PRKD3: variants seen among roughly 807,000 people sequenced by gnomAD.
PRKD3 encodes the protein protein kinase D3.
Under a neutral mutation model 99.2 loss-of-function variants are expected in PRKD3, and 47 were observed. That is an observed-to-expected ratio of 0.47 (90% CI 0.38 to 0.60). The LOEUF is 0.60. Among genes scored for constraint, PRKD3 ranks in the 20% least tolerant of loss-of-function variants. The pLI is 0.00. For missense variants in PRKD3, 1,019 were observed against 1,088.4 expected, an observed-to-expected ratio of 0.94 and a Z score of 0.90; for synonymous variants, 392 against 355.4, an observed-to-expected ratio of 1.10 and a Z score of -1.16.
At chr2:37,319,509 T>A (rs1417641016) in intron 1 of PRKD3, among the ~76,000 whole-genome samples, 1 of 152,200 alleles carries the variant, frequency 6.6e-6, no homozygotes, top group Non-Finnish European at 1.5e-5. Flanking sequence ...TGCATTTAGT[T>A]TCCCCAAAAT....
At chr2:37,260,177 A>AG in intron 15 of PRKD3, 46 bp downstream of exon 15, 2 of 1,515,000 alleles carry the variant, frequency 1.3e-6, no homozygotes, top group Non-Finnish European at 1.8e-6. Flanking sequence ...AAAAAAAAAA[A>AG]TTAGTTTTTA....
At chr2:37,310,355 T>C (rs918225883) in intron 2 of PRKD3, among the ~76,000 whole-genome samples, 25 of 152,212 alleles carry the variant, frequency 1.6e-4, no homozygotes, top group African/African-American at 6.0e-4. Flanking sequence ...CTAAGCATTT[T>C]AGAAACATAT....
In PRKD3 at chr2:37,323,168, A is replaced by G. The variant is rs193196135; in HGVS notation, c.-656+1513T>C. On this transcript the variant is annotated intron_variant, in intron 1 of 18. Coordinates refer to ENST00000234179, the MANE Select transcript of PRKD3 (RefSeq NM_005813.6). ...AAGAAATTTCTATTTTAAAGTGGCT[A>G]TCTGATGAAACTGAAAGCTTAAAAT... is the stretch of plus-strand genomic sequence containing the variant. Among the ~76,000 whole-genome samples the G allele has an allele frequency of 5.0e-3, 749 of 151,304 alleles. 7 individuals carry two copies. Among genetic ancestry groups the G allele is most frequent in the African/African-American group, 0.017 (707 of 41,142 alleles).
At chr2:37,292,014 C>G (rs72863171) in intron 3 of PRKD3, among the ~76,000 whole-genome samples, 3,144 of 152,046 alleles carry the variant, frequency 0.021, 75 homozygotes, top group African/African-American at 0.057. Flanking sequence ...GGCAAGAATG[C>G]GTGAGGTGGA....
At chr2:37,309,185 A>G (rs1671305728) in intron 2 of PRKD3, among the ~76,000 whole-genome samples, 1 of 152,138 alleles carries the variant, frequency 6.6e-6, no homozygotes, top group Admixed American at 6.6e-5. Flanking sequence ...TTTTATTTAT[A>G]TTTGGACTTA....
At chr2:37,269,185 C>T (rs926795298) in intron 13 of PRKD3, 10 of 192,928 alleles carry the variant, frequency 5.2e-5, no homozygotes, top group East Asian at 2.4e-4. Flanking sequence ...TATCCTAAAT[C>T]GCAAAGTTGG....
At chr2:37,266,452 A>G (rs1212129482) in intron 14 of PRKD3, among the ~76,000 whole-genome samples, 2 of 149,280 alleles carry the variant, frequency 1.3e-5, no homozygotes, top group Non-Finnish European at 1.5e-5. Flanking sequence ...CAGCCTCCCA[A>G]GTAGCTTAGA....
chr2:37,277,852 A>G lies in PRKD3; in HGVS notation c.1296+14T>C. 1 of 1,608,912 alleles carries G rather than the reference A, an allele frequency of 6.2e-7. No individual in the cohort carries two copies. Among genetic ancestry groups the G allele is most frequent in the Non-Finnish European group, 8.5e-7 (1 of 1,178,164 alleles). On this transcript the variant is annotated intron_variant, in intron 9 of 18. Coordinates refer to ENST00000234179, the MANE Select transcript of PRKD3 (RefSeq NM_005813.6). The stretch of plus-strand genomic sequence containing the variant: ...AAGTCTTACTAGCATATTCAAATGT[A>G]TTTGATTACTGACCAGGTTATCCCT...
At position 37,274,616 on chromosome 2, in the gene PRKD3, A is replaced by G. The variant is rs148874137; in HGVS notation, c.1456T>C (p.Phe486Leu). 9.1e-5 allele frequency: 147 copies of G among 1,613,940 alleles called. No homozygotes were observed. The highest frequency in any genetic ancestry group is 1.2e-4 in the Non-Finnish European group (143 of 1,179,914). The change falls in exon 11 of 19, where the codon TTT becomes CTT. Residue 486 changes from phenylalanine to leucine, a missense_variant. By Grantham distance (22) the Phe-to-Leu change is conservative (BLOSUM62 0). Around this residue, in one of 3 missense-constraint regions of PRKD3, gnomAD observed 710 missense variants for 692.7 expected, o/e 1.02. Transcript: ENST00000234179. ...NISQGSNPHC[F>L]EIITDTMVYF... ...ACCATAGTATCAGTAATGATTTCAAAACAGTGTGGATTGCTGCCTTGTGAA... is the reference window on the plus strand; with the variant it reads ...ACCATAGTATCAGTAATGATTTCAAGACAGTGTGGATTGCTGCCTTGTGAA...
chr2:37,284,916 A>G (rs1186395110), intron 6 of PRKD3, among the ~76,000 whole-genome samples: 1 of 152,106 alleles, frequency 6.6e-6, no homozygotes, highest in South Asian at 2.1e-4. Flanking sequence ...AACATTAGGT[A>G]TATCTCCTAA....
At chr2:37,309,531 T>C (rs1333936289) in intron 2 of PRKD3, among the ~76,000 whole-genome samples, 2 of 152,230 alleles carry the variant, frequency 1.3e-5, no homozygotes, top group Non-Finnish European at 2.9e-5. Flanking sequence ...TTAAGTCACA[T>C]ATGCAATCAC....
intron 16 of PRKD3, 112 bp from the exon 17 acceptor site, chr2:37,257,041 AT>A: frequency 8.8e-7 from 1 of 1,141,890 alleles, no homozygotes; most frequent in Non-Finnish European, 1.2e-6. Flanking sequence ...AGCTCTACTG[AT>A]TATGAATATT....
At chr2:37,293,591 C>G (rs566038823) in intron 2 of PRKD3, among the ~76,000 whole-genome samples, 3 of 152,298 alleles carry the variant, frequency 2.0e-5, no homozygotes, top group Admixed American at 2.0e-4. Flanking sequence ...CACTCTTAGC[C>G]TGAAAGATAA....
intron 18 of PRKD3, among the ~76,000 whole-genome samples, chr2:37,253,815 G>A (rs1056954292): frequency 1.3e-5 from 2 of 152,118 alleles, no homozygotes; most frequent in African/African-American, 2.4e-5. Flanking sequence ...GAAGTTTGGA[G>A]GGTATCTTTT....
Position 37,252,839 on chromosome 2 carries a change from A to ATT in PRKD3, c.*336_*337dup, listed in dbSNP as rs1558516098. On this transcript the variant is annotated 3_prime_UTR_variant, in exon 19 of 19. Transcript: ENST00000234179. The stretch of plus-strand genomic sequence containing the variant: ...TCATTAAAAAAACAAACAAACATAT[A>ATT]TTTATATTTATATATATATATATAA... The ATT allele has an allele frequency of 1.0e-5, 1 of 98,852 alleles. No individual in the cohort carries two copies. Among genetic ancestry groups the ATT allele is most frequent in the African/African-American group, 3.3e-5 (1 of 30,172 alleles). The allele number at this position is 98,852 out of a possible 1,614,324, so 6.1% of individuals were successfully genotyped here. A position where few individuals can be genotyped will look rare whatever the true frequency, so the allele number is the denominator to read the frequency against.
chr2:37,265,990 G>A lies in PRKD3; in HGVS notation c.1884+1440C>T, dbSNP rs191730881. Among the ~76,000 whole-genome samples the A allele has an allele frequency of 4.3e-3, 648 of 152,146 alleles. 10 individuals carry two copies. The highest frequency in any genetic ancestry group is 0.014 in the Middle Eastern group (4 of 294). On this transcript the variant is annotated intron_variant, in intron 14 of 18. Coordinates refer to ENST00000234179, the MANE Select transcript of PRKD3 (RefSeq NM_005813.6). ...ATTTTTATTGTTTCGCTTACTAGTT[G>A]GACAATGAGGGTTCCAAAATTAGAT...
chr2:37,270,888 G>A (rs1468896628), intron 12 of PRKD3, among the ~76,000 whole-genome samples: 1 of 152,142 alleles, frequency 6.6e-6, no homozygotes, highest in Non-Finnish European at 1.5e-5. Flanking sequence ...AGCCAATTCT[G>A]AATCCTTTTC....
intron 4 of PRKD3, 133 bp from the exon 5 acceptor site, chr2:37,289,646 G>A (rs1670302433): frequency 8.6e-6 from 6 of 695,662 alleles, no homozygotes; most frequent in Non-Finnish European, 1.1e-5. Context: ...TAAGAACCCA[G>A]ACAGCAGGCT....
intron 2 of PRKD3, among the ~76,000 whole-genome samples, chr2:37,311,143 A>G (rs1016557555): frequency 3.9e-5 from 6 of 152,218 alleles, no homozygotes; most frequent in African/African-American, 1.4e-4. Flanking sequence ...TGCTTTATCC[A>G]TGCTACAAGC....
Sources: gnomAD v4.1 joint callset for allele counts (sites outside exome capture counted in the v4.1 genomes callset) on GRCh38, gnomAD v4.1.1 for gene constraint, gnomAD v4.1.1 regional missense constraint, MANE v1.5 for transcripts, NCBI Gene and HGNC (gene_info 2026-07-23, HGNC 2026-07-21) for gene names.